WDR70: variants seen among roughly 807,000 people sequenced by gnomAD.
The protein encoded by WDR70 is WD repeat domain 70.
A neutral mutation model predicts 88.6 loss-of-function variants in WDR70; 53 were observed. The ratio of observed to expected loss-of-function variants is 0.60; its 90% confidence interval spans 0.48 to 0.75. WDR70 has a LOEUF of 0.75. WDR70 is among the 30% of genes least tolerant of loss of function. The pLI is 0.00. For missense variants in WDR70, 610 were observed against 823.2 expected (o/e 0.74, Z 3.17); for synonymous variants, 280 against 270.0 (o/e 1.04, Z -0.36).
intron 8 of WDR70, among the ~76,000 whole-genome samples, chr5:37,497,115 A>T (rs1740239781): frequency 6.6e-6 from 1 of 152,088 alleles, no homozygotes; most frequent in African/African-American, 2.4e-5. Flanking sequence ...ACTGCTAGTC[A>T]CTATAAATTA....
chr5:37,440,092 A>G (rs1039857400), intron 6 of WDR70, among the ~76,000 whole-genome samples: 23 of 152,174 alleles, frequency 1.5e-4, no homozygotes, highest in Non-Finnish European at 2.8e-4. Context: ...CAGTCTCTTA[A>G]TGATGTCTGA....
At chr5:37,600,194 T>G (rs1743829056) in intron 9 of WDR70, among the ~76,000 whole-genome samples, 1 of 152,108 alleles carries the variant, frequency 6.6e-6, no homozygotes, top group Non-Finnish European at 1.5e-5. Flanking sequence ...TTGCAAATAA[T>G]GTATCTGATA....
At chr5:37,413,375 G>T (rs77731944) in intron 5 of WDR70, among the ~76,000 whole-genome samples, 17,133 of 152,206 alleles carry the variant, frequency 0.11, 1,012 homozygotes, top group Admixed American at 0.16. Context: ...GAAGAATGCA[G>T]AAAAATTCTC....
chr5:37,471,214 C>CA (rs757737432), intron 7 of WDR70, among the ~76,000 whole-genome samples: 1 of 152,120 alleles, frequency 6.6e-6, no homozygotes, highest in Admixed American at 6.6e-5. Context: ...TTTTGAAAAT[C>CA]ATTGTACCAA....
At chr5:37,721,049 T>G in intron 13 of WDR70, 66 bp from the exon 14 acceptor site, 1 of 1,371,828 alleles carries the variant, frequency 7.3e-7, no homozygotes, top group Non-Finnish European at 1.0e-6. Context: ...GCCATCAAAG[T>G]ACCAGCAGGA....
intron 5 of WDR70, among the ~76,000 whole-genome samples, chr5:37,415,634 CGGACGGGGCG>C (rs1561843708): frequency 1.4e-4 from 21 of 150,476 alleles, no homozygotes; most frequent in Admixed American, 3.3e-4. Flanking sequence ...ACCTCCCTCC[CGGACGGGGCG>C]GCTGGCCGGG....
chr5:37,523,529 A>T (rs1000128155), intron 9 of WDR70, among the ~76,000 whole-genome samples: 1 of 152,200 alleles, frequency 6.6e-6, no homozygotes, highest in Non-Finnish European at 1.5e-5. Flanking sequence ...AAAGATGGGG[A>T]AAAAATAGAG....
intron 7 of WDR70, among the ~76,000 whole-genome samples, chr5:37,457,393 G>A (rs1022755901): frequency 2.6e-5 from 4 of 152,140 alleles, no homozygotes; most frequent in Admixed American, 2.6e-4. Context: ...ACTGCACCCA[G>A]CCAGTATATC....
At chr5:37,537,286 C>T (rs568396135) in intron 9 of WDR70, among the ~76,000 whole-genome samples, 1 of 152,124 alleles carries the variant, frequency 6.6e-6, no homozygotes, top group South Asian at 2.1e-4. Context: ...TGAATGCTCC[C>T]ATAAAGGAAA....
chr5:37,546,790 A>C (rs926902004), intron 9 of WDR70, among the ~76,000 whole-genome samples: 1 of 151,848 alleles, frequency 6.6e-6, no homozygotes, highest in Admixed American at 6.6e-5. Context: ...GTGGTGGCAC[A>C]CTCTGTAGTC....
At position 37,657,643 on chromosome 5, in the gene WDR70, C is replaced by T. The variant is rs117512368; in HGVS notation, c.1093-40012C>T. 2.4e-3 allele frequency among the ~76,000 whole-genome samples: 372 copies of T among 152,256 alleles called. 8 individuals are homozygous for T. In the East Asian group the frequency reaches 0.047, roughly 19 times the overall value. On this transcript the variant is annotated intron_variant, in intron 10 of 17. Coordinates refer to ENST00000265107, the MANE Select transcript of WDR70 (RefSeq NM_018034.4). Reference sequence around the variant, plus strand: ...TGAAAAAGGTTGAGAACCATTCAGCCGATGTCACCCTGGGCATCAGATGTA... The same window carrying T: ...TGAAAAAGGTTGAGAACCATTCAGCTGATGTCACCCTGGGCATCAGATGTA...
chr5:37,631,842 G>A (rs1744827240), intron 10 of WDR70, among the ~76,000 whole-genome samples: 1 of 152,156 alleles, frequency 6.6e-6, no homozygotes, highest in African/African-American at 2.4e-5. Flanking sequence ...GTCTGTTGGA[G>A]GATCTGTCTC....
intron 7 of WDR70, among the ~76,000 whole-genome samples, chr5:37,476,226 G>A (rs575346508): frequency 1.3e-3 from 193 of 152,048 alleles, no homozygotes; most frequent in Non-Finnish European, 2.0e-3. Context: ...TCTTTTAGTC[G>A]TTAGTCTAAA....
At chr5:37,604,988 G>T (rs1363505946) in intron 9 of WDR70, 76 bp from the exon 10 acceptor site, 1 of 1,350,938 alleles carries the variant, frequency 7.4e-7, no homozygotes, top group Non-Finnish European at 9.8e-7. Context: ...AGTCTTTATG[G>T]ACTCTTCCCT....
chr5:37,622,960 C>T (rs966715444), intron 10 of WDR70, among the ~76,000 whole-genome samples: 5 of 151,898 alleles, frequency 3.3e-5, no homozygotes, highest in African/African-American at 1.2e-4. Flanking sequence ...TAGAATATAG[C>T]AAATTCTGAA....
chr5:37,417,427 A>G (rs922884246), intron 5 of WDR70, among the ~76,000 whole-genome samples: 3 of 151,364 alleles, frequency 2.0e-5, no homozygotes, highest in African/African-American at 7.3e-5. Flanking sequence ...GTTTCCTCAT[A>G]TTGCCCAGGC....
chr5:37,609,375 A>G (rs1744123781), intron 10 of WDR70, among the ~76,000 whole-genome samples: 1 of 152,222 alleles, frequency 6.6e-6, no homozygotes, highest in Non-Finnish European at 1.5e-5. Context: ...TATCAGATTT[A>G]TTCTTTGACT....
intron 5 of WDR70, among the ~76,000 whole-genome samples, chr5:37,426,937 A>G (rs1467289509): frequency 2.0e-5 from 3 of 151,836 alleles, no homozygotes; most frequent in Non-Finnish European, 1.5e-5. Flanking sequence ...AACCATGCCC[A>G]GCTAATTTTT....
chr5:37,673,251 TGTA>T (rs1415514776), intron 10 of WDR70, among the ~76,000 whole-genome samples: 1 of 152,214 alleles, frequency 6.6e-6, no homozygotes, highest in Non-Finnish European at 1.5e-5. Flanking sequence ...TTTAAGCTTT[TGTA>T]GTATTCCATG....
Sources: gnomAD v4.1 joint callset for allele counts (sites outside exome capture counted in the v4.1 genomes callset) on GRCh38, gnomAD v4.1.1 for gene constraint, MANE v1.5 for transcripts, NCBI Gene and HGNC (gene_info 2026-07-23, HGNC 2026-07-21) for gene names.